The following RAI1 variants were observed in gnomAD, a reference collection of about 807,000 sequenced individuals.
The protein encoded by RAI1 is retinoic acid induced 1.
Under a neutral mutation model 123.8 loss-of-function variants are expected in RAI1, and 9 were observed. That is an observed-to-expected ratio of 0.07 (90% CI 0.04 to 0.13). RAI1 has a LOEUF of 0.13. RAI1 is among the 10% of genes least tolerant of loss of function. The pLI, the probability that RAI1 is intolerant of heterozygous loss-of-function variation, is 1.00. For synonymous variants in RAI1, 1,231 were observed against 1,127.3 expected (o/e 1.09, Z -1.84); for missense variants, 2,256 against 2,545.8 (o/e 0.89, Z 2.45).
At position 17,795,714 on chromosome 17, in the gene RAI1, G is replaced by C; in HGVS notation, c.2766G>C (p.Gly922=). 6.2e-7 allele frequency: 1 copy of C among 1,613,380 alleles called. No homozygotes were observed. The highest frequency in any genetic ancestry group is 8.5e-7 in the Non-Finnish European group (1 of 1,180,024). Residue 922 remains glycine, a synonymous_variant, in exon 3 of 6, where the codon GGG becomes GGC. Transcript: ENST00000353383. The surrounding 1 kb of genome is among the most constrained non-coding windows in gnomAD (Gnocchi z 5.9). ...GGGGCTCTCCGTGCCACCTCTCAGG[G>C]GAGTCCGTCATCCTGCTGGGCCCTA... ...AGWGSPCHLS[G]ESVILLGPTV...
intron 2 of RAI1, among the ~76,000 whole-genome samples, chr17:17,746,387 G>A (rs1352652674): frequency 2.0e-5 from 3 of 152,200 alleles, no homozygotes; most frequent in Non-Finnish European, 2.9e-5. Flanking sequence ...GGCAGGCAGC[G>A]GACTGGGTCG....
In RAI1 at chr17:17,809,546, C is replaced by A. The variant is rs962863923; in HGVS notation, c.5709+107C>A. 2.4e-6 allele frequency: 3 copies of A among 1,260,048 alleles called. No homozygotes were observed. In the South Asian group the frequency reaches 3.6e-5, roughly 15 times the overall value. The allele number at this position is 1,260,048 out of a possible 1,614,324, so 78.1% of individuals were successfully genotyped here. A position where few individuals can be genotyped will look rare whatever the true frequency, so the allele number is the denominator to read the frequency against. ...GGGCCCCCTTGGCTGCGCAGCCCCG[C>A]AGGGCCCAGCCCTAGGGGAGGGAGC... is the stretch of plus-strand genomic sequence containing the variant. On this transcript the variant is annotated intron_variant, in intron 5 of 5. Transcript: ENST00000353383. The surrounding 1 kb of genome is among the most constrained non-coding windows in gnomAD (Gnocchi z 4.9).
intron 2 of RAI1, among the ~76,000 whole-genome samples, chr17:17,739,824 G>A (rs981917504): frequency 6.6e-6 from 1 of 152,218 alleles, no homozygotes; most frequent in African/African-American, 2.4e-5. Flanking sequence ...AGGCCACCTG[G>A]GGTGGGTCCC....
intron 2 of RAI1, among the ~76,000 whole-genome samples, chr17:17,775,724 A>G (rs1221660741): frequency 6.6e-6 from 1 of 152,058 alleles, no homozygotes; most frequent in East Asian, 1.9e-4. Flanking sequence ...TGGGGCCAGG[A>G]GAAAGGGAGG....
Position 17,713,394 on chromosome 17 carries a change from C to G in RAI1, c.-148-10634C>G, listed in dbSNP as rs1458327616. Among the ~76,000 whole-genome samples, 5 of 152,120 alleles carry G rather than the reference C, an allele frequency of 3.3e-5. No homozygotes were observed. The East Asian group carries it at 9.6e-4, about 29-fold the overall frequency. ...GTGGCTCATGCCTGTAATCCCAGTACTTTGGGAGGCCGAGGTGCACGGATC... is the reference window on the plus strand; with the variant it reads ...GTGGCTCATGCCTGTAATCCCAGTAGTTTGGGAGGCCGAGGTGCACGGATC... On this transcript the variant is annotated intron_variant, in intron 1 of 5. Transcript: ENST00000353383.
chr17:17,793,645 G>A lies in RAI1; in HGVS notation c.697G>A (p.Ala233Thr), dbSNP rs746083514. ...CTCTGTCCAGGGTGGTGGGCAGGGG[G>A]CCCACTCCTATAAGAGTTGCACAGC... ...SSSVQGGGQGAHSYKSCTAPT... is the reference protein window; with the variant it reads ...SSSVQGGGQGTHSYKSCTAPT... Residue 233 changes from alanine to threonine, a missense_variant, in exon 3 of 6, where the codon GCC becomes ACC. Physicochemically the swap from Ala to Thr is moderately conservative, Grantham distance 58. This residue lies in a region of RAI1 where 336 missense variants were observed against 349.8 expected (regional missense o/e 0.96). Coordinates refer to ENST00000353383, the MANE Select transcript of RAI1 (RefSeq NM_030665.4). 6.2e-7 allele frequency: 1 copy of A among 1,613,256 alleles called. No homozygotes were observed. The highest frequency in any genetic ancestry group is 1.7e-5 in the Admixed American group (1 of 60,018).
chr17:17,773,303 G>T (rs2031230940), intron 2 of RAI1, among the ~76,000 whole-genome samples: 1 of 152,170 alleles, frequency 6.6e-6, no homozygotes, highest in Non-Finnish European at 1.5e-5. Flanking sequence ...AGAGAAGGTG[G>T]AGGCTTCAGC....
chr17:17,698,274 G>A (rs1181428166), intron 1 of RAI1, among the ~76,000 whole-genome samples: 1 of 152,194 alleles, frequency 6.6e-6, no homozygotes, highest in Non-Finnish European at 1.5e-5. Context: ...CTCATGGCAG[G>A]CTTAGGGCAT....
At chr17:17,728,087 G>T (rs1422377622) in intron 2 of RAI1, among the ~76,000 whole-genome samples, 1 of 152,066 alleles carries the variant, frequency 6.6e-6, no homozygotes, top group Non-Finnish European at 1.5e-5. Context: ...CCCCTCTGTG[G>T]TGTCAGTCTC....
rs540895443 is a variant in RAI1, at chr17:17,700,582, C to G, written c.-149+18789C>G. On this transcript the variant is annotated intron_variant, in intron 1 of 5. Coordinates refer to ENST00000353383, the MANE Select transcript of RAI1 (RefSeq NM_030665.4). ...GGCCGGCCGCGGAAGCAGCTGCGCG[C>G]CGGCCGGGACGGCCTTAATTACCTG... 2.5e-3 allele frequency among the ~76,000 whole-genome samples: 380 copies of G among 152,280 alleles called. 2 individuals are homozygous for G. The highest frequency in any genetic ancestry group is 3.5e-3 in the Admixed American group (54 of 15,304).
At chr17:17,731,773 A>C (rs1050313485) in intron 2 of RAI1, among the ~76,000 whole-genome samples, 6 of 151,952 alleles carry the variant, frequency 3.9e-5, no homozygotes, top group African/African-American at 1.5e-4. Flanking sequence ...CATCTCCCCA[A>C]CCTCTTGCCT....
rs1301250259 is a variant in RAI1, at chr17:17,793,599, C to G, written c.651C>G (p.Pro217=). 1.6e-5 allele frequency: 26 copies of G among 1,613,630 alleles called. No individual in the cohort carries two copies. Among genetic ancestry groups the G allele is most frequent in the Non-Finnish European group, 2.1e-5 (25 of 1,179,982 alleles). ...THFPQHSQSF[P]TSSTYSSSVQ... ...TTCCTCAGCATTCCCAGTCCTTCCC[C>G]ACCTCCTCCACCTACTCCTCCTCTG... The change falls in exon 3 of 6, where the codon CCC becomes CCG. Residue 217 remains proline (P), a synonymous_variant. Coordinates refer to ENST00000353383, the MANE Select transcript of RAI1 (RefSeq NM_030665.4).
chr17:17,803,879 T>C (rs763381753), intron 4 of RAI1, 30 bp downstream of exon 4: 8 of 1,597,980 alleles, frequency 5.0e-6, no homozygotes, highest in Non-Finnish European at 6.9e-6. Context: ...CAGGAGGGCA[T>C]TGGAGCCCAT....
chr17:17,757,727 C>T (rs540009706), intron 2 of RAI1, among the ~76,000 whole-genome samples: 5 of 152,358 alleles, frequency 3.3e-5, no homozygotes, highest in Admixed American at 2.6e-4. Context: ...CCGCCGCAGG[C>T]GCCCATCAGT....
intron 1 of RAI1, among the ~76,000 whole-genome samples, chr17:17,700,596 C>G (rs1915187884): frequency 1.3e-5 from 2 of 152,282 alleles, no homozygotes; most frequent in East Asian, 3.9e-4. Flanking sequence ...CCGGGACGGC[C>G]TTAATTACCT....
chr17:17,786,119 CT>C lies in RAI1; in HGVS notation c.-16-6813del, dbSNP rs2031817682. Among the ~76,000 whole-genome samples, 3 of 152,206 alleles carry C rather than the reference CT, an allele frequency of 2.0e-5. No homozygotes were observed. The East Asian group carries it at 5.8e-4, about 29-fold the overall frequency. On this transcript the variant is annotated intron_variant, in intron 2 of 5. Coordinates refer to ENST00000353383, the MANE Select transcript of RAI1 (RefSeq NM_030665.4). ...GTGCTGAGAGGGGCTGCTGCTGCCCCTCCCCCCCCACTTTATTTGGGAGCAG... is the reference window on the plus strand; with the variant it reads ...GTGCTGAGAGGGGCTGCTGCTGCCCCCCCCCCCCACTTTATTTGGGAGCAG...
At chr17:17,742,223 C>T (rs1916659635) in intron 2 of RAI1, among the ~76,000 whole-genome samples, 1 of 152,242 alleles carries the variant, frequency 6.6e-6, no homozygotes, top group African/African-American at 2.4e-5. Context: ...CTTTGCCCTG[C>T]TTGCCCCACC....
At chr17:17,727,530 C>G (rs1322497994) in intron 2 of RAI1, among the ~76,000 whole-genome samples, 5 of 152,204 alleles carry the variant, frequency 3.3e-5, no homozygotes, top group Non-Finnish European at 4.4e-5. Context: ...GGTGTGTTCA[C>G]GGGATCTGGC....
intron 1 of RAI1, among the ~76,000 whole-genome samples, chr17:17,710,558 A>G (rs1915535629): frequency 2.6e-5 from 4 of 152,196 alleles, no homozygotes; most frequent in Admixed American, 2.0e-4. Context: ...ATGGCAGCAC[A>G]GTGGCCACCA....
Sources: gnomAD v4.1 joint callset for allele counts (sites outside exome capture counted in the v4.1 genomes callset) on GRCh38, gnomAD v4.1.1 for gene constraint, gnomAD v4.1.1 regional missense constraint, Gnocchi (gnomAD v3.1) non-coding constraint, MANE v1.5 for transcripts, NCBI Gene and HGNC (gene_info 2026-07-23, HGNC 2026-07-21) for gene names.